The following PLEKHA5 variants were observed in gnomAD, a reference collection of about 807,000 sequenced individuals.
The protein encoded by PLEKHA5 is pleckstrin homology domain containing A5.
In PLEKHA5, 55 loss-of-function variants were observed where a neutral mutation model predicts 181.9. The ratio of observed to expected loss-of-function variants is 0.30; its 90% confidence interval spans 0.24 to 0.38. PLEKHA5 has a LOEUF of 0.38. PLEKHA5 is among the 10% of genes least tolerant of loss of function. PLEKHA5 has a pLI of 1.00. For missense variants in PLEKHA5, 1,432 were observed against 1,549.5 expected (o/e 0.92, Z 1.27); for synonymous variants, 535 against 529.4 (o/e 1.01, Z -0.15).
intron 8 of PLEKHA5, among the ~76,000 whole-genome samples, chr12:19,268,126 A>G (rs1319906646): frequency 6.6e-6 from 1 of 152,240 alleles, no homozygotes; most frequent in Non-Finnish European, 1.5e-5. Context: ...TAACTTTATC[A>G]AAATAAACTG....
chr12:19,366,140 C>G (rs868750642), intron 30 of PLEKHA5, 31 bp downstream of exon 30: 1 of 1,544,890 alleles, frequency 6.5e-7, no homozygotes, highest in Non-Finnish European at 8.8e-7. Flanking sequence ...AATTTTCTAC[C>G]TGGTGCTTCC....
intron 20 of PLEKHA5, among the ~76,000 whole-genome samples, chr12:19,329,933 A>G (rs2092681591): frequency 6.6e-6 from 1 of 151,582 alleles, no homozygotes; most frequent in South Asian, 2.1e-4. Context: ...AGCAAAAAAC[A>G]AAAAAAACTA....
chr12:19,184,947 T>C (rs1044519563), intron 3 of PLEKHA5, among the ~76,000 whole-genome samples: 1 of 152,162 alleles, frequency 6.6e-6, no homozygotes, highest in Non-Finnish European at 1.5e-5. Flanking sequence ...GATTGTTATA[T>C]AGTCGGTGGA....
chr12:19,288,120 G>GTGGGTTTC (rs2077629083), intron 13 of PLEKHA5: 2 of 323,732 alleles, frequency 6.2e-6, no homozygotes, highest in Non-Finnish European at 1.2e-5. Flanking sequence ...TATGAACTAG[G>GTGGGTTTC]TGGGTTTCTT....
chr12:19,168,373 G>A lies in PLEKHA5; in HGVS notation c.227+35923G>A, dbSNP rs1591898811. 2.0e-5 allele frequency among the ~76,000 whole-genome samples: 3 copies of A among 152,164 alleles called. No homozygotes were observed. In the South Asian group the frequency reaches 6.2e-4, roughly 32 times the overall value. ...TATTCTAATACAAAATAAAGCTTCAGAGTTTGTATAACCAAAGTGAATTAT... is the reference window on the plus strand; with the variant it reads ...TATTCTAATACAAAATAAAGCTTCAAAGTTTGTATAACCAAAGTGAATTAT... On this transcript the variant is annotated intron_variant, in intron 3 of 31. Transcript: ENST00000429027.
At chr12:19,144,545 T>C (rs564797211) in intron 3 of PLEKHA5, among the ~76,000 whole-genome samples, 169 of 152,314 alleles carry the variant, frequency 1.1e-3, no homozygotes, top group African/African-American at 3.9e-3. Context: ...CAAAGTCAGA[T>C]GTGGGAGGAG....
chr12:19,372,957 G>C (rs1389514306), intron 31 of PLEKHA5: 1 of 151,906 alleles, frequency 6.6e-6, no homozygotes, highest in East Asian at 1.9e-4. Flanking sequence ...TTGTAGAGTA[G>C]GGGTTTCACC....
chr12:19,154,300 T>C (rs904251015), intron 3 of PLEKHA5: 1 of 152,172 alleles, frequency 6.6e-6, no homozygotes, highest in Admixed American at 6.5e-5. Context: ...TTTCCAGTTT[T>C]ATAAACTTTT....
chr12:19,291,885 G>A (rs1265029486), intron 15 of PLEKHA5, among the ~76,000 whole-genome samples, 188 bp downstream of exon 15: 1 of 152,194 alleles, frequency 6.6e-6, no homozygotes, highest in Non-Finnish European at 1.5e-5. Context: ...GAAAGGACAG[G>A]TGTGGAGGTA....
At chr12:19,253,755 G>C (rs1355375276) in intron 3 of PLEKHA5, among the ~76,000 whole-genome samples, 185 bp from the exon 4 acceptor site, 1 of 152,024 alleles carries the variant, frequency 6.6e-6, no homozygotes, top group Non-Finnish European at 1.5e-5. Context: ...AGAAGGCAGA[G>C]GTTGTAGTAA....
intron 15 of PLEKHA5, among the ~76,000 whole-genome samples, chr12:19,311,517 G>T (rs868655246): frequency 9.2e-5 from 14 of 151,452 alleles, no homozygotes; most frequent in Admixed American, 1.3e-4. Flanking sequence ...TATCAACCAA[G>T]TTTATATATT....
At chr12:19,294,401 T>A (rs1420593629) in intron 15 of PLEKHA5, among the ~76,000 whole-genome samples, 1 of 152,188 alleles carries the variant, frequency 6.6e-6, no homozygotes, top group Non-Finnish European at 1.5e-5. Flanking sequence ...GATTTATGAA[T>A]TGATTCATCA....
chr12:19,333,295 A>G (rs1185614587), intron 20 of PLEKHA5, among the ~76,000 whole-genome samples: 1 of 151,490 alleles, frequency 6.6e-6, no homozygotes, highest in East Asian at 2.0e-4. Flanking sequence ...CAAAAAAAAG[A>G]AGGCCAGCCG....
intron 3 of PLEKHA5, chr12:19,207,775 A>G (rs897438988): frequency 1.3e-5 from 2 of 152,184 alleles, no homozygotes; most frequent in Non-Finnish European, 2.9e-5. Context: ...AATTGTAACT[A>G]TGAATTTCTA....
At position 19,130,683 on chromosome 12, in the gene PLEKHA5, A is replaced by AAGGAGGAGG. The variant is rs774581464; in HGVS notation, c.169+565_169+573dup. The AAGGAGGAGG allele has an allele frequency of 6.6e-6, 1 of 152,218 alleles. No individual in the cohort carries two copies. Among genetic ancestry groups the AAGGAGGAGG allele is most frequent in the Non-Finnish European group, 1.5e-5 (1 of 68,214 alleles). The allele number at this position is 152,218 out of a possible 1,614,324, so 9.4% of individuals were successfully genotyped here. A position where few individuals can be genotyped will look rare whatever the true frequency, so the allele number is the denominator to read the frequency against. On this transcript the variant is annotated intron_variant, in intron 2 of 31. Transcript: ENST00000429027. The surrounding 1 kb of genome is among the most constrained non-coding windows in gnomAD (Gnocchi z 4.5). ...GGGACTTGTGGGTAGGTGGCTGATG[A>AAGGAGGAGG]AGGAGGAGGAGGAGGAGGAGAGGAG...
At position 19,354,143 on chromosome 12, in the gene PLEKHA5, C is replaced by CTTTTTTTTTTTTTTTTTTTTTTT. The variant is rs750923063; in HGVS notation, c.3138+145_3138+167dup. The CTTTTTTTTTTTTTTTTTTTTTTT allele has an allele frequency of 4.1e-5, 3 of 73,908 alleles. 1 individual carries two copies. Among genetic ancestry groups the CTTTTTTTTTTTTTTTTTTTTTTT allele is most frequent in the Non-Finnish European group, 6.8e-5 (3 of 43,890 alleles). 4.6% of individuals were successfully genotyped at this position (73,908 alleles called of 1,614,324 possible). A position where few individuals can be genotyped will look rare whatever the true frequency, so the allele number is the denominator to read the frequency against. On this transcript the variant is annotated intron_variant, in intron 26 of 31. Transcript: ENST00000429027. ...TTAGTAATCTTAGTTATTCTTTATTCTTTTTTTTTTTTTTTTTTTTTTTTT... is the reference window on the plus strand; with the variant it reads ...TTAGTAATCTTAGTTATTCTTTATTCTTTTTTTTTTTTTTTTTTTTTTTTTTTTTTTTTTTTTTTTTTTTTTTT...
At chr12:19,165,189 C>G (rs925136484) in intron 3 of PLEKHA5, among the ~76,000 whole-genome samples, 1 of 152,112 alleles carries the variant, frequency 6.6e-6, no homozygotes, top group Non-Finnish European at 1.5e-5. Flanking sequence ...GTGGAGATGA[C>G]GATCCCACCA....
intron 3 of PLEKHA5, among the ~76,000 whole-genome samples, chr12:19,135,713 A>T (rs1327586829): frequency 6.6e-6 from 1 of 152,138 alleles, no homozygotes; most frequent in Non-Finnish European, 1.5e-5. Context: ...GGACCTGATC[A>T]GCGTAAGAGT....
At chr12:19,356,827 ATTT>A (rs2094958182) in intron 26 of PLEKHA5, among the ~76,000 whole-genome samples, 2 of 151,586 alleles carry the variant, frequency 1.3e-5, no homozygotes, top group Admixed American at 1.3e-4. Flanking sequence ...TGCCCAGCTA[ATTT>A]CTGTATTTTT....
Sources: allele counts gnomAD v4.1 joint callset (sites outside exome capture counted in the v4.1 genomes callset), GRCh38; gene constraint gnomAD v4.1.1; non-coding constraint Gnocchi (gnomAD v3.1); transcripts MANE v1.5; gene names NCBI Gene and HGNC (gene_info 2026-07-23, HGNC 2026-07-21).